MRLN: variants seen among roughly 807,000 people sequenced by gnomAD.
MRLN encodes the protein myoregulin, also known as Linc-RNA activator of myogenesis.
chr10:59,744,003 C>CG (rs1564726117), intron 1 of MRLN, among the ~76,000 whole-genome samples: 1 of 152,142 alleles, frequency 6.6e-6, no homozygotes, highest in Non-Finnish European at 1.5e-5. Flanking sequence ...GGCGTGATCT[C>CG]GGCTCGCTAC....
At chr10:59,742,333 T>G (rs562770695) in intron 1 of MRLN, among the ~76,000 whole-genome samples, 1 of 152,254 alleles carries the variant, frequency 6.6e-6, no homozygotes, top group Admixed American at 6.5e-5. Flanking sequence ...CTAATAAAGA[T>G]AGCATTGAAT....
chr10:59,742,961 C>T (rs1841000473), intron 1 of MRLN, among the ~76,000 whole-genome samples: 2 of 152,078 alleles, frequency 1.3e-5, no homozygotes, highest in Admixed American at 6.5e-5. Flanking sequence ...AACTCCTGGC[C>T]TCCAGTGATC....
intron 1 of MRLN, among the ~76,000 whole-genome samples, chr10:59,741,794 C>A (rs555860166): frequency 6.6e-6 from 1 of 152,158 alleles, no homozygotes; most frequent in East Asian, 1.9e-4. Flanking sequence ...ATCCTCCCTC[C>A]TCAGCTCCTG....
At chr10:59,751,092 C>A (rs1362400102) in intron 1 of MRLN, among the ~76,000 whole-genome samples, 2 of 152,154 alleles carry the variant, frequency 1.3e-5, no homozygotes, top group African/African-American at 4.8e-5. Context: ...TCACTGGTGG[C>A]AATGTCTTTA....
At chr10:59,749,618 T>C (rs111342424) in intron 1 of MRLN, among the ~76,000 whole-genome samples, 13 of 151,940 alleles carry the variant, frequency 8.6e-5, no homozygotes, top group African/African-American at 3.1e-4. Flanking sequence ...CGCTTGAACC[T>C]GGCAGGCAGA....
intron 1 of MRLN, among the ~76,000 whole-genome samples, chr10:59,748,207 G>A (rs903887439): frequency 2.6e-5 from 4 of 151,922 alleles, no homozygotes; most frequent in African/African-American, 9.7e-5. Flanking sequence ...GATGGCCACC[G>A]TTTCTACAGC....
intron 1 of MRLN, among the ~76,000 whole-genome samples, chr10:59,745,917 A>G (rs1352480491): frequency 6.6e-6 from 1 of 152,144 alleles, no homozygotes; most frequent in Non-Finnish European, 1.5e-5. Context: ...CACAACAACA[A>G]AAAAACAAAC....
chr10:59,745,261 A>T (rs1433938991), intron 1 of MRLN, among the ~76,000 whole-genome samples: 1 of 152,212 alleles, frequency 6.6e-6, no homozygotes, highest in Admixed American at 6.5e-5. Context: ...TCTGATAGAA[A>T]CATGTACCAA....
chr10:59,752,014 C>A (rs991156832), intron 1 of MRLN, among the ~76,000 whole-genome samples: 1 of 152,124 alleles, frequency 6.6e-6, no homozygotes, highest in African/African-American at 2.4e-5. Context: ...TATAATAGAG[C>A]ACATACGTTT....
At position 59,750,159 on chromosome 10, in the gene MRLN, G is replaced by A. The variant is rs958731725; in HGVS notation, c.-125+3195C>T. Among the ~76,000 whole-genome samples the A allele has an allele frequency of 2.3e-5, 3 of 130,708 alleles. No homozygotes were observed. The Admixed American group carries it at 2.8e-4, about 12-fold the overall frequency. The allele number at this position is 130,708 out of a possible 152,430, so 85.7% of individuals were successfully genotyped here. ...ACAATCTTGGCTCACTGCAACCTCC[G>A]CCTCCTGGGTTTAAGTAATTCTCCT... is the stretch of plus-strand genomic sequence containing the variant. On this transcript the variant is annotated intron_variant, in intron 1 of 2. Coordinates refer to ENST00000414264, the MANE Select transcript of MRLN (RefSeq NM_001304731.2).
chr10:59,751,467 G>A (rs1841101858), intron 1 of MRLN, among the ~76,000 whole-genome samples: 1 of 151,764 alleles, frequency 6.6e-6, no homozygotes, highest in East Asian at 1.9e-4. Flanking sequence ...TTGAGACCAG[G>A]CTGGGCAACA....
rs574847509 is a variant in MRLN, at chr10:59,744,464, G to C, written c.-124-5902C>G. 2.7e-5 allele frequency among the ~76,000 whole-genome samples: 4 copies of C among 149,946 alleles called. No individual in the cohort carries two copies. In the East Asian group the frequency reaches 8.1e-4, roughly 30 times the overall value. The stretch of plus-strand genomic sequence containing the variant: ...CGGGAGGCGGGGAGCAGCCGCGCCC[G>C]GCCAGCCGCCCCGTCCGGGAGGTGG... On this transcript the variant is annotated intron_variant, in intron 1 of 2. Transcript: ENST00000414264.
chr10:59,740,987 G>A (rs10993980), intron 1 of MRLN, among the ~76,000 whole-genome samples: 13,562 of 151,848 alleles, frequency 0.089, 687 homozygotes, highest in East Asian at 0.2. Context: ...TAGTAAAGAC[G>A]GTATTTCACC....
At chr10:59,741,526 G>C (rs183075524) in intron 1 of MRLN, among the ~76,000 whole-genome samples, 3 of 152,246 alleles carry the variant, frequency 2.0e-5, no homozygotes, top group Non-Finnish European at 2.9e-5. Context: ...GGGACTACAG[G>C]TGTGTGCCAC....
intron 1 of MRLN, among the ~76,000 whole-genome samples, chr10:59,751,894 CCTT>C (rs1274492947): frequency 1.7e-4 from 26 of 152,130 alleles, no homozygotes; most frequent in Non-Finnish European, 1.5e-5. Context: ...TTGAGACAAT[CCTT>C]CTTTCTGTCT....
chr10:59,750,661 A>G (rs894361862), intron 1 of MRLN, among the ~76,000 whole-genome samples: 2 of 152,218 alleles, frequency 1.3e-5, no homozygotes, highest in Non-Finnish European at 2.9e-5. Flanking sequence ...AATAATCAAA[A>G]TGTTATCAAC....
At chr10:59,738,635 C>T (rs1241475817) in intron 1 of MRLN, 73 bp from the exon 2 acceptor site, 1 of 152,094 alleles carries the variant, frequency 6.6e-6, no homozygotes, top group Non-Finnish European at 1.5e-5. Flanking sequence ...AGGGAGCCTA[C>T]ACAGAAAAAC....
At chr10:59,753,175 G>A (rs2070183170) in intron 1 of MRLN, among the ~76,000 whole-genome samples, 179 bp downstream of exon 1, 5 of 152,264 alleles carry the variant, frequency 3.3e-5, no homozygotes, top group Admixed American at 3.3e-4. Flanking sequence ...AAAAAGCAGA[G>A]AGATGCTGCA....
At chr10:59,749,525 C>T (rs1254500254) in intron 1 of MRLN, among the ~76,000 whole-genome samples, 1 of 152,140 alleles carries the variant, frequency 6.6e-6, no homozygotes, top group East Asian at 1.9e-4. Flanking sequence ...AAAACCCTGC[C>T]TCTACTAAAA....
Sources: allele counts gnomAD v4.1 joint callset (sites outside exome capture counted in the v4.1 genomes callset), GRCh38; gene constraint gnomAD v4.1.1; transcripts MANE v1.5; gene names NCBI Gene and HGNC (gene_info 2026-07-23, HGNC 2026-07-21).